The following ENDOV variants were observed in gnomAD, a reference collection of about 807,000 sequenced individuals.
ENDOV encodes hEndoV.
Under a neutral mutation model 39.4 loss-of-function variants are expected in ENDOV, and 37 were observed. The ratio of observed to expected loss-of-function variants is 0.94; its 90% CI spans 0.72 to 1.23. The LOEUF is 1.23. Among genes scored for constraint, ENDOV ranks in the 50% most tolerant of loss-of-function variants. ENDOV has a pLI of 0.00. For synonymous variants in ENDOV, 186 were observed against 163.4 expected (o/e 1.14, Z -1.05); for missense variants, 441 against 375.7 (o/e 1.17, Z -1.44).
intron 2 of ENDOV, among the ~76,000 whole-genome samples, chr17:80,421,264 C>CAGGGAATCCTACAGACCAGGTCCT (rs1568217414): frequency 2.6e-5 from 4 of 151,934 alleles, no homozygotes; most frequent in East Asian, 3.9e-4. Context: ...AACTAGATCC[C>CAGGGAATCCTACAGACCAGGTCCT]GGGGAATCTT....
rs1223624373 is a variant in ENDOV at position 80,425,547 on chromosome 17, GGA to G, written c.642_643del (p.Arg214SerfsTer26). 6.9e-6 allele frequency: 11 copies of G among 1,594,206 alleles called. No homozygotes were observed. Among genetic ancestry groups the G allele is most frequent in the Admixed American group, 3.4e-5 (2 of 58,064 alleles). On this transcript the variant is annotated frameshift_variant, in exon 7 of 10. Transcript: ENST00000518137. LOFTEE classifies it high-confidence loss of function. ...CCCCTCTACATCTCCGTGGGCCACA[GGA>G]TGAGCCTGGAGGCCGCTGTGCGCCT...
chr17:80,427,324 C>A, intron 7 of ENDOV: 1 of 662,908 alleles, frequency 1.5e-6, no homozygotes, highest in Non-Finnish European at 1.9e-6. Flanking sequence ...CGTGCTGCTG[C>A]TGCAGACAGC....
rs188540962 is a variant in ENDOV at position 80,427,120 on chromosome 17, C to T, written c.715-1476C>T. Among the ~76,000 whole-genome samples the T allele has an allele frequency of 8.6e-4, 131 of 152,354 alleles. 1 individual carries two copies. The highest frequency in any genetic ancestry group is 2.7e-3 in the African/African-American group (113 of 41,572). Reference sequence around the variant, plus strand: ...CCTGGGGAGCTGTGCTCAGTGGTGGCGTCTGAGAGCGGGCTCCACAGCCTT... The same window carrying T: ...CCTGGGGAGCTGTGCTCAGTGGTGGTGTCTGAGAGCGGGCTCCACAGCCTT... On this transcript the variant is annotated intron_variant, in intron 7 of 9. Coordinates refer to ENST00000518137, the MANE Select transcript of ENDOV (RefSeq NM_173627.5).
At chr17:80,425,718 C>T in intron 7 of ENDOV, 98 bp downstream of exon 7, 1 of 1,508,084 alleles carries the variant, frequency 6.6e-7, no homozygotes, top group Non-Finnish European at 8.8e-7. Flanking sequence ...GGTCAGAGTG[C>T]AGTGACATGA....
At chr17:80,427,770 C>T (rs1201715038) in intron 7 of ENDOV, 1 of 1,289,188 alleles carries the variant, frequency 7.8e-7, no homozygotes, top group Non-Finnish European at 1.0e-6. Context: ...TTGGTGGCCC[C>T]ATGGTCACAG....
chr17:80,417,046 C>T (rs537009234), intron 2 of ENDOV: 1 of 152,358 alleles, frequency 6.6e-6, no homozygotes, highest in East Asian at 1.9e-4. Context: ...GGAACCACCA[C>T]ACCCAGCCCA....
intron 6 of ENDOV, 106 bp downstream of exon 6, chr17:80,425,206 C>T (rs41299834): frequency 3.0e-6 from 3 of 996,530 alleles, no homozygotes; most frequent in African/African-American, 1.6e-5. Context: ...TTGCCCACAT[C>T]AACCCCCCGC....
intron 9 of ENDOV, chr17:80,433,069 A>G: frequency 5.8e-6 from 3 of 519,152 alleles, no homozygotes; most frequent in Non-Finnish European, 1.2e-5. Flanking sequence ...TGGCATTCCC[A>G]CAGAATGCCC....
intron 4 of ENDOV, among the ~76,000 whole-genome samples, chr17:80,422,652 C>T (rs1490302469): frequency 6.6e-6 from 1 of 152,226 alleles, no homozygotes; most frequent in Admixed American, 6.5e-5. Flanking sequence ...TGTACCCAGG[C>T]CCCCACTGAT....
rs762027111 is a variant in ENDOV, at chr17:80,428,602, A to G, written c.721A>G (p.Ile241Val). The stretch of plus-strand genomic sequence containing the variant: ...GCACGTCTGTCTCCCCCAGGCTGAC[A>G]TCTGCTCCCGAGAGCACATCCGCAA... ...RIPEPVRQADICSREHIRKSL... is the reference protein window; with the variant it reads ...RIPEPVRQADVCSREHIRKSL... The change falls in exon 8 of 10, where the codon ATC becomes GTC. Residue 241 changes from isoleucine to valine, a missense_variant. Ile to Val is a conservative substitution (Grantham distance 29). Coordinates refer to ENST00000518137, the MANE Select transcript of ENDOV (RefSeq NM_173627.5). 35 of 1,582,626 alleles carry G rather than the reference A, an allele frequency of 2.2e-5. No homozygotes were observed. Among genetic ancestry groups the G allele is most frequent in the Admixed American group, 3.6e-5 (2 of 56,246 alleles).
chr17:80,429,435 G>A (rs34858951), intron 8 of ENDOV, among the ~76,000 whole-genome samples: 4,407 of 152,278 alleles, frequency 0.029, 94 homozygotes, highest in African/African-American at 0.052. Context: ...CCTGGGATTC[G>A]CCCTGCCCTC....
Position 80,421,976 on chromosome 17 carries a change from C to T in ENDOV, c.363+14C>T. On this transcript the variant is annotated intron_variant, in intron 3 of 9. Coordinates refer to ENST00000518137, the MANE Select transcript of ENDOV (RefSeq NM_173627.5). ...CTCATGCCCCAGGCAGGTGTCTCAT[C>T]CCTAGGACGAGAGAAAGGTCCCTCC... The T allele has an allele frequency of 6.2e-7, 1 of 1,606,116 alleles. No homozygotes were observed. Among genetic ancestry groups the T allele is most frequent in the Non-Finnish European group, 8.5e-7 (1 of 1,179,442 alleles).
chr17:80,436,562 A>G lies in ENDOV; in HGVS notation c.*419A>G, dbSNP rs1162041023. 2 of 311,906 alleles carry G rather than the reference A, an allele frequency of 6.4e-6. No individual in the cohort carries two copies. Among genetic ancestry groups the G allele is most frequent in the Admixed American group, 9.7e-5 (2 of 20,634 alleles). The allele number at this position is 311,906 out of a possible 1,614,324, so 19.3% of individuals were successfully genotyped here. Reference sequence around the variant, plus strand: ...TTCTTCTGTGAATATGAGGTGTTACATTGATTGATTTTCATATGTTGAGCC... The same window carrying G: ...TTCTTCTGTGAATATGAGGTGTTACGTTGATTGATTTTCATATGTTGAGCC... On this transcript the variant is annotated 3_prime_UTR_variant, in exon 10 of 10. Transcript: ENST00000518137.
intron 9 of ENDOV, among the ~76,000 whole-genome samples, chr17:80,433,746 C>A (rs2145147455): frequency 6.6e-6 from 1 of 152,290 alleles, no homozygotes; most frequent in East Asian, 1.9e-4. Context: ...TCAGGCTCTG[C>A]TTAAAACCGT....
At chr17:80,421,264 C>T (rs557805900) in intron 2 of ENDOV, among the ~76,000 whole-genome samples, 39 of 151,816 alleles carry the variant, frequency 2.6e-4, no homozygotes, top group Non-Finnish European at 4.3e-4. Context: ...AACTAGATCC[C>T]GGGGAATCTT....
Position 80,425,061 on chromosome 17 carries a change from A to C in ENDOV, c.546A>C (p.Ser182=), listed in dbSNP as rs752266971. ...GACTCCTGCAGACTCGAGGAGACTC[A>C]TTCCCTCTGCTGGGAGACTCTGGGA... is the stretch of plus-strand genomic sequence containing the variant. ...KIRLLQTRGD[S]FPLLGDSGTV... Residue 182 remains serine, a synonymous_variant, in exon 6 of 10, where the codon TCA becomes TCC. Coordinates refer to ENST00000518137, the MANE Select transcript of ENDOV (RefSeq NM_173627.5). The C allele has an allele frequency of 1.2e-6, 2 of 1,612,364 alleles. No homozygotes were observed. Among genetic ancestry groups the C allele is most frequent in the Admixed American group, 1.7e-5 (1 of 59,866 alleles).
intron 2 of ENDOV, chr17:80,420,480 ATGT>A (rs1449037403): frequency 6.6e-6 from 1 of 152,250 alleles, no homozygotes; most frequent in African/African-American, 2.4e-5. Flanking sequence ...ATTGATGAAG[ATGT>A]TGTGAGAATG....
At chr17:80,415,391 C>G (rs2080950269) in intron 1 of ENDOV, 141 bp downstream of exon 1, 1 of 1,153,906 alleles carries the variant, frequency 8.7e-7, no homozygotes, top group African/African-American at 1.6e-5. Context: ...GTTTCCGGCG[C>G]GGAAGCGGAG....
chr17:80,425,368 C>A, intron 6 of ENDOV, 124 bp from the exon 7 acceptor site: 1 of 1,386,386 alleles, frequency 7.2e-7, no homozygotes, highest in Non-Finnish European at 9.6e-7. Context: ...CCCCTGAGAG[C>A]ACTGCCCCTT....
Sources: allele counts gnomAD v4.1 joint callset (sites outside exome capture counted in the v4.1 genomes callset), GRCh38; gene constraint gnomAD v4.1.1; transcripts MANE v1.5; gene names NCBI Gene and HGNC (gene_info 2026-07-23, HGNC 2026-07-21).